CSMD1: variants seen among roughly 807,000 people sequenced by gnomAD.
The protein encoded by CSMD1 is CUB and sushi domain-containing protein 1.
A neutral mutation model predicts 417.5 loss-of-function variants in CSMD1; 213 were observed. The ratio of observed to expected loss-of-function variants is 0.51; its 90% confidence interval spans 0.46 to 0.57. CSMD1 has a LOEUF of 0.57. CSMD1 is among the 20% of genes least tolerant of loss of function. The pLI is 0.00. For synonymous variants in CSMD1, 2,862 were observed against 1,736.8 expected, an observed-to-expected ratio of 1.65 and a Z score of -16.11; for missense variants, 6,923 against 4,529.7, an observed-to-expected ratio of 1.53 and a Z score of -15.17.
intron 17 of CSMD1, 132 bp downstream of exon 17, chr8:3,396,062 G>C: frequency 8.3e-6 from 6 of 718,590 alleles, no homozygotes; most frequent in South Asian, 7.5e-5. Flanking sequence ...CAATTGCATA[G>C]TATGGTTTTG....
intron 5 of CSMD1, among the ~76,000 whole-genome samples, chr8:3,984,192 G>A (rs1388330208): frequency 1.4e-5 from 2 of 142,334 alleles, no homozygotes; most frequent in Admixed American, 1.4e-4. Flanking sequence ...GAACCTCTCA[G>A]ACTGCGCTTG....
intron 5 of CSMD1, among the ~76,000 whole-genome samples, chr8:3,815,506 A>G (rs968338383): frequency 6.6e-6 from 1 of 151,734 alleles, no homozygotes; most frequent in Non-Finnish European, 1.5e-5. Flanking sequence ...TATGTGTAAG[A>G]CTATGTTTAA....
intron 2 of CSMD1, among the ~76,000 whole-genome samples, chr8:4,568,642 G>A (rs76989760): frequency 3.3e-5 from 5 of 152,134 alleles, no homozygotes; most frequent in Non-Finnish European, 7.4e-5. Flanking sequence ...ACCCAGTAAA[G>A]GGATTGCTGG....
chr8:3,296,151 G>A (rs1246325342), intron 25 of CSMD1, among the ~76,000 whole-genome samples: 1 of 152,006 alleles, frequency 6.6e-6, no homozygotes, highest in East Asian at 1.9e-4. Flanking sequence ...CTAATTCTTA[G>A]GGGAGGAAGG....
At chr8:3,613,362 A>C in intron 8 of CSMD1, 1 of 373,958 alleles carries the variant, frequency 2.7e-6, no homozygotes, top group Non-Finnish European at 5.2e-6. Context: ...AATTATACAC[A>C]AACTCTTCTA....
chr8:4,834,173 T>C (rs1305310008), intron 1 of CSMD1, among the ~76,000 whole-genome samples: 2 of 152,212 alleles, frequency 1.3e-5, no homozygotes, highest in African/African-American at 4.8e-5. Context: ...GGATGTGTTA[T>C]GTCAGGTTTA....
At chr8:3,180,439 A>G (rs995766981) in intron 37 of CSMD1, among the ~76,000 whole-genome samples, 1 of 152,210 alleles carries the variant, frequency 6.6e-6, no homozygotes, top group Non-Finnish European at 1.5e-5. Context: ...GGCAGAAGTC[A>G]GGATTGTCCA....
At chr8:4,312,441 A>ATATATATACGTATATATATGCGCG (rs1239488343) in intron 3 of CSMD1, among the ~76,000 whole-genome samples, 1 of 115,766 alleles carries the variant, frequency 8.6e-6, no homozygotes, top group East Asian at 2.0e-4. Context: ...ATATATGCGT[A>ATATATATACGTATATATATGCGCG]TATATATACG....
chr8:3,925,169 G>T (rs991717412), intron 5 of CSMD1, among the ~76,000 whole-genome samples: 4 of 152,140 alleles, frequency 2.6e-5, no homozygotes, highest in Admixed American at 6.5e-5. Context: ...CTGACCCATA[G>T]AAATTATGAG....
chr8:3,301,740 C>G (rs1804423510), intron 25 of CSMD1, among the ~76,000 whole-genome samples: 1 of 152,036 alleles, frequency 6.6e-6, no homozygotes, highest in African/African-American at 2.4e-5. Context: ...TATTATGGTT[C>G]TGGGTAAGGA....
At chr8:3,626,666 G>A (rs1486291930) in intron 7 of CSMD1, among the ~76,000 whole-genome samples, 1 of 151,230 alleles carries the variant, frequency 6.6e-6, no homozygotes, top group African/African-American at 2.4e-5. Flanking sequence ...AGTGATTTCA[G>A]GATAAGTACA....
chr8:4,959,557 C>G (rs1168324799), intron 1 of CSMD1, among the ~76,000 whole-genome samples: 1 of 152,238 alleles, frequency 6.6e-6, no homozygotes, highest in African/African-American at 2.4e-5. Context: ...CTGGTCACGG[C>G]ACTATAATTA....
At chr8:3,274,535 G>T (rs1802126154) in intron 26 of CSMD1, among the ~76,000 whole-genome samples, 2 of 152,130 alleles carry the variant, frequency 1.3e-5, no homozygotes, top group Admixed American at 1.3e-4. Flanking sequence ...GGGTGTTAAA[G>T]TCTCCCATTA....
Position 4,780,097 on chromosome 8 carries a change from G to A in CSMD1, c.86-142539C>T, listed in dbSNP as rs573099518. Among the ~76,000 whole-genome samples, 5 of 152,142 alleles carry A rather than the reference G, an allele frequency of 3.3e-5. No homozygotes were observed. In the East Asian group the frequency reaches 5.8e-4, roughly 18 times the overall value. On this transcript the variant is annotated intron_variant, in intron 1 of 69. Coordinates refer to ENST00000635120, the MANE Select transcript of CSMD1 (RefSeq NM_033225.6). ...GATGTCTGTTGAATATGATACACCCGCGTTTTGTATTTTAGCAACATTTAC... is the reference window on the plus strand; with the variant it reads ...GATGTCTGTTGAATATGATACACCCACGTTTTGTATTTTAGCAACATTTAC...
chr8:3,642,250 T>G (rs1041266430), intron 7 of CSMD1, among the ~76,000 whole-genome samples: 1 of 151,968 alleles, frequency 6.6e-6, no homozygotes, highest in Non-Finnish European at 1.5e-5. Context: ...AGAAGTCACA[T>G]ACACTCTTAA....
chr8:4,362,013 G>C (rs1801796500), intron 3 of CSMD1, among the ~76,000 whole-genome samples: 1 of 151,922 alleles, frequency 6.6e-6, no homozygotes, highest in Non-Finnish European at 1.5e-5. Flanking sequence ...CTTAGATTAA[G>C]AAAAAGCAAG....
At chr8:4,517,333 G>T (rs1464719123) in intron 2 of CSMD1, among the ~76,000 whole-genome samples, 1 of 152,150 alleles carries the variant, frequency 6.6e-6, no homozygotes, top group Admixed American at 6.5e-5. Context: ...GAATGTGATT[G>T]CACCAGTTGC....
At chr8:4,727,452 A>G (rs914606790) in intron 1 of CSMD1, among the ~76,000 whole-genome samples, 2 of 152,212 alleles carry the variant, frequency 1.3e-5, no homozygotes, top group East Asian at 3.8e-4. Context: ...AGATAGTTCT[A>G]AAAGACTGGG....
At chr8:2,957,049 G>C (rs1803064770) in intron 63 of CSMD1, among the ~76,000 whole-genome samples, 2 of 152,002 alleles carry the variant, frequency 1.3e-5, no homozygotes, top group South Asian at 2.1e-4. Context: ...GTAAGAATAA[G>C]ACACCGCATT....
Sources: allele counts gnomAD v4.1 joint callset (sites outside exome capture counted in the v4.1 genomes callset), GRCh38; gene constraint gnomAD v4.1.1; transcripts MANE v1.5; gene names NCBI Gene and HGNC (gene_info 2026-07-23, HGNC 2026-07-21).